Variants in PCDHA3 observed in about 807,000 individuals in gnomAD.
PCDHA3 encodes the protein protocadherin alpha 3.
A neutral mutation model predicts 62.2 loss-of-function variants in PCDHA3; 41 were observed. That is an observed-to-expected ratio of 0.66 (90% confidence interval 0.51 to 0.86). The LOEUF (loss-of-function observed/expected upper bound fraction) is 0.86, where lower values mean the gene tolerates loss of function less well. Ranked by LOEUF, PCDHA3 falls within the 40% of genes least tolerant of loss-of-function variation. The pLI is 0.00. For missense variants in PCDHA3, 1,304 were observed against 1,241.2 expected, an observed-to-expected ratio of 1.05 and a Z score of -0.76; for synonymous variants, 640 against 555.4, an observed-to-expected ratio of 1.15 and a Z score of -2.14.
At chr5:140,830,065 G>A (rs2150180583) in intron 1 of PCDHA3, 1 of 1,613,730 alleles carries the variant, frequency 6.2e-7, no homozygotes. Flanking sequence ...GTGAGCCGGC[G>A]CTGACAGCGA....
At chr5:140,875,982 T>A (rs782696437) in intron 1 of PCDHA3, 7 of 1,614,008 alleles carry the variant, frequency 4.3e-6, no homozygotes, top group Non-Finnish European at 5.9e-6. Context: ...TTTTGACCTA[T>A]GCGTTAAGTC....
At chr5:140,842,538 C>T (rs1554139153) in intron 1 of PCDHA3, 6 of 1,611,596 alleles carry the variant, frequency 3.7e-6, no homozygotes, top group South Asian at 1.1e-5. Context: ...AATTACTACT[C>T]GTTGGTGCTG....
chr5:140,882,462 G>T, intron 1 of PCDHA3: 1 of 1,614,036 alleles, frequency 6.2e-7, no homozygotes, highest in Non-Finnish European at 8.5e-7. Context: ...CGCCTGTTCC[G>T]GGTGGCGTCC....
rs553716577 is a variant in PCDHA3 at position 140,809,243 on chromosome 5, G to T, written c.2394+5652G>T. On this transcript the variant is annotated intron_variant, in intron 1 of 3. Transcript: ENST00000522353. ...GGCCTCCTCACGGGCGTTGGTGGGC[G>T]CTGTGGGTCCCGATGCTGCGCTGGT... 6.8e-6 allele frequency: 11 copies of T among 1,614,094 alleles called. No individual in the cohort carries two copies. The African/African-American group carries it at 8.0e-5, about 12-fold the overall frequency.
At chr5:140,883,316 G>A in intron 1 of PCDHA3, 1 of 1,614,078 alleles carries the variant, frequency 6.2e-7, no homozygotes, top group East Asian at 2.2e-5. Context: ...CGCCCCAGAG[G>A]TTACCATCAC....
intron 1 of PCDHA3, chr5:140,871,090 A>G (rs782465793): frequency 1.2e-6 from 2 of 1,613,254 alleles, no homozygotes; most frequent in South Asian, 1.1e-5. Flanking sequence ...GGCCACGGCC[A>G]CCGTGCTGGT....
rs2042023727 is a variant in PCDHA3, at chr5:140,851,309, G to T, written c.2394+47718G>T. ...ACCCAAGCAAAAATATATAGCAATT[G>T]TTACCTTGTTAAGTTTGTAGTTCTC... On this transcript the variant is annotated intron_variant, in intron 1 of 3. Coordinates refer to ENST00000522353, the MANE Select transcript of PCDHA3 (RefSeq NM_018906.3). 5.0e-6 allele frequency: 5 copies of T among 1,000,390 alleles called. 1 individual carries two copies. Among genetic ancestry groups the T allele is most frequent in the Admixed American group, 5.3e-5 (1 of 18,698 alleles). 62.0% of individuals were successfully genotyped at this position (1,000,390 alleles called of 1,614,324 possible).
Position 140,803,235 on chromosome 5 carries a change from T to C in PCDHA3, c.2038T>C (p.Ser680Pro), listed in dbSNP as rs782475199. Reference protein sequence around the residue: ...VESGQAPKASSQASAGATGPE... With the variant: ...VESGQAPKASPQASAGATGPE... ...GAGTGGCCAGGCACCCAAGGCCTCG[T>C]CCCAGGCGTCCGCTGGCGCCACGGG... The change falls in exon 1 of 4, where the codon TCC becomes CCC. Residue 680 changes from serine to proline, a missense_variant. Physicochemically the swap from Ser to Pro is moderately conservative, Grantham distance 74 (BLOSUM62 -1). Coordinates refer to ENST00000522353, the MANE Select transcript of PCDHA3 (RefSeq NM_018906.3). 4 of 1,613,652 alleles carry C rather than the reference T, an allele frequency of 2.5e-6. No individual in the cohort carries two copies. The African/African-American group carries it at 5.3e-5, about 22-fold the overall frequency.
intron 1 of PCDHA3, among the ~76,000 whole-genome samples, chr5:140,879,652 TAACA>T (rs2058069934): frequency 6.6e-6 from 1 of 152,226 alleles, no homozygotes; most frequent in African/African-American, 2.4e-5. Context: ...GTGGCTGCTA[TAACA>T]AACGAACACA....
chr5:140,942,439 A>G (rs1554214983), intron 1 of PCDHA3, among the ~76,000 whole-genome samples: 1 of 152,082 alleles, frequency 6.6e-6, no homozygotes, highest in Non-Finnish European at 1.5e-5. Flanking sequence ...AACAATAAAC[A>G]AGTAAACTAT....
At chr5:140,990,314 C>G (rs1295117014) in intron 3 of PCDHA3, among the ~76,000 whole-genome samples, 1 of 152,094 alleles carries the variant, frequency 6.6e-6, no homozygotes, top group East Asian at 1.9e-4. Flanking sequence ...AAAAAACCAA[C>G]CAAACAAACT....
At chr5:140,942,580 G>A (rs782743450) in intron 1 of PCDHA3, among the ~76,000 whole-genome samples, 4 of 151,104 alleles carry the variant, frequency 2.6e-5, no homozygotes, top group Non-Finnish European at 5.9e-5. Flanking sequence ...TCCCATATAG[G>A]ATGTCACATA....
At chr5:140,857,326 G>A in intron 1 of PCDHA3, 4 of 1,598,700 alleles carry the variant, frequency 2.5e-6, no homozygotes, top group Non-Finnish European at 1.7e-6. Flanking sequence ...TGGTGACCGC[G>A]CGGGACGGGG....
intron 2 of PCDHA3, 179 bp from the exon 3 acceptor site, chr5:140,982,296 C>G (rs886254601): frequency 8.6e-7 from 1 of 1,167,014 alleles, no homozygotes; most frequent in African/African-American, 1.5e-5. Context: ...AGTAAGTCAG[C>G]AATGCTTCTG....
In PCDHA3 at chr5:141,011,807, A is replaced by G. The variant is rs940017317; in HGVS notation, c.*1870A>G. ...CTAATGGTATCTGAAATATCAGCTC[A>G]TAGAAAGTAACAAAATTTGCTGTCA... On this transcript the variant is annotated 3_prime_UTR_variant, in exon 4 of 4. Coordinates refer to ENST00000522353, the MANE Select transcript of PCDHA3 (RefSeq NM_018906.3). The G allele has an allele frequency of 1.3e-5, 2 of 153,798 alleles. No individual in the cohort carries two copies. Among genetic ancestry groups the G allele is most frequent in the African/African-American group, 4.8e-5 (2 of 41,468 alleles). The allele number at this position is 153,798 out of a possible 1,614,324, so 9.5% of individuals were successfully genotyped here.
intron 1 of PCDHA3, chr5:140,855,890 A>C (rs1314408448): frequency 2.8e-5 from 28 of 999,762 alleles, no homozygotes; most frequent in African/African-American, 2.3e-4. Context: ...TTTAGAACAA[A>C]GGCATCAGCC....
chr5:140,974,043 TATG>T (rs1554235772), intron 1 of PCDHA3, among the ~76,000 whole-genome samples: 1 of 152,238 alleles, frequency 6.6e-6, no homozygotes, highest in Non-Finnish European at 1.5e-5. Flanking sequence ...AGCTTATTAA[TATG>T]ATAATATTTG....
chr5:140,810,067 G>A (rs1354949194), intron 1 of PCDHA3: 2 of 153,726 alleles, frequency 1.3e-5, no homozygotes, highest in African/African-American at 4.8e-5. Flanking sequence ...CCTGTTTTGG[G>A]AACGTTATCT....
intron 1 of PCDHA3, among the ~76,000 whole-genome samples, chr5:140,970,537 GT>G (rs111648801): frequency 0.029 from 4,476 of 152,214 alleles, 218 homozygotes; most frequent in African/African-American, 0.1. Flanking sequence ...ATGTGTGTGT[GT>G]TTGTGTTGTG....
Sources: allele counts gnomAD v4.1 joint callset (sites outside exome capture counted in the v4.1 genomes callset), GRCh38; gene constraint gnomAD v4.1.1; transcripts MANE v1.5; gene names NCBI Gene and HGNC (gene_info 2026-07-23, HGNC 2026-07-21).